The following CDYL variants were observed in gnomAD, a reference collection of about 807,000 sequenced individuals.
CDYL encodes chromodomain Y-like protein.
A neutral mutation model predicts 47.3 loss-of-function variants in CDYL; 8 were observed. The ratio of observed to expected loss-of-function variants is 0.17; its 90% CI spans 0.10 to 0.31. The LOEUF is 0.31. Ranked by LOEUF, CDYL falls within the 10% of genes least tolerant of loss-of-function variation. The pLI is 1.00. For synonymous variants in CDYL, 266 were observed against 265.0 expected, an observed-to-expected ratio of 1.00 and a Z score of -0.04; for missense variants, 471 against 701.4, an observed-to-expected ratio of 0.67 and a Z score of 3.71.
chr6:4,918,605 A>G (rs1399497013), intron 2 of CDYL, among the ~76,000 whole-genome samples: 1 of 152,234 alleles, frequency 6.6e-6, no homozygotes, highest in African/African-American at 2.4e-5. Flanking sequence ...TGTCAAAAGT[A>G]AAACTAAATA....
intron 1 of CDYL, chr6:4,890,090 G>T: frequency 1.0e-6 from 1 of 985,452 alleles, no homozygotes; most frequent in Non-Finnish European, 1.2e-6. Context: ...CTCTGGTTTA[G>T]TATACTGCCC....
intron 3 of CDYL, among the ~76,000 whole-genome samples, chr6:4,736,057 T>C (rs571358550): frequency 1.3e-5 from 2 of 152,166 alleles, no homozygotes; most frequent in Non-Finnish European, 2.9e-5. Flanking sequence ...GACCAAGCCC[T>C]CCTGTTTCCC....
intron 2 of CDYL, among the ~76,000 whole-genome samples, chr6:4,893,080 C>T (rs538026366): frequency 6.7e-4 from 102 of 152,338 alleles, no homozygotes; most frequent in African/African-American, 2.4e-3. Flanking sequence ...CACACTGTGC[C>T]GGCCACAGTT....
At chr6:4,826,489 TC>T (rs1163493087) in intron 1 of CDYL, among the ~76,000 whole-genome samples, 1 of 152,176 alleles carries the variant, frequency 6.6e-6, no homozygotes, top group East Asian at 1.9e-4. Flanking sequence ...AACCTTTACA[TC>T]TATAAACTTT....
At chr6:4,915,571 A>G (rs6904931) in intron 2 of CDYL, among the ~76,000 whole-genome samples, 127,903 of 152,144 alleles carry the variant, frequency 0.84, 53,936 homozygotes, top group Admixed American at 0.89. Context: ...TTAAAAGAGA[A>G]ATCCTAATAC....
At chr6:4,896,005 A>G (rs1419387731) in intron 2 of CDYL, among the ~76,000 whole-genome samples, 5 of 152,032 alleles carry the variant, frequency 3.3e-5, no homozygotes, top group African/African-American at 1.2e-4. Flanking sequence ...CCTCACCATC[A>G]TTTTTCTCCA....
chr6:4,876,125 C>T (rs535982618), intron 1 of CDYL, among the ~76,000 whole-genome samples: 16 of 152,340 alleles, frequency 1.1e-4, no homozygotes, highest in African/African-American at 3.8e-4. Context: ...GTTTCCCTCC[C>T]ACCCTTGTTG....
intron 1 of CDYL, among the ~76,000 whole-genome samples, chr6:4,840,930 A>G (rs950603334): frequency 6.6e-6 from 1 of 152,132 alleles, no homozygotes; most frequent in African/African-American, 2.4e-5. Context: ...CTGGCTTCAT[A>G]GAATGATTTA....
chr6:4,849,923 A>G (rs1371499068), intron 1 of CDYL, among the ~76,000 whole-genome samples: 1 of 121,830 alleles, frequency 8.2e-6, no homozygotes, highest in Non-Finnish European at 1.7e-5. Context: ...AAGGGGATAG[A>G]ATTGGGGGGA....
At chr6:4,890,225 C>A (rs1486286707) in intron 1 of CDYL, 1 of 888,524 alleles carries the variant, frequency 1.1e-6, no homozygotes, top group Non-Finnish European at 1.3e-6. Context: ...ACTATTTCTG[C>A]AAAAACGTCA....
intron 1 of CDYL, among the ~76,000 whole-genome samples, chr6:4,852,414 A>C (rs1351599582): frequency 6.3e-5 from 5 of 79,386 alleles, no homozygotes; most frequent in African/African-American, 1.7e-4. Context: ...CCTTCCTTCC[A>C]ATCTTCCTTC....
At chr6:4,708,553 T>A (rs532570895) in intron 1 of CDYL, among the ~76,000 whole-genome samples, 2 of 152,244 alleles carry the variant, frequency 1.3e-5, no homozygotes, top group Admixed American at 1.3e-4. Context: ...ATGTATCTGA[T>A]ATAGCTCAAG....
At chr6:4,721,885 T>TG (rs112311382) in intron 2 of CDYL, among the ~76,000 whole-genome samples, 53 of 151,806 alleles carry the variant, frequency 3.5e-4, no homozygotes, top group Non-Finnish European at 7.2e-4. Context: ...TTTTTTTAGA[T>TG]GGAGTCTTGC....
chr6:4,865,536 G>A (rs1192154398), intron 1 of CDYL, among the ~76,000 whole-genome samples: 1 of 152,198 alleles, frequency 6.6e-6, no homozygotes, highest in Non-Finnish European at 1.5e-5. Flanking sequence ...TTTTCTTGCA[G>A]CACCAAGTAA....
chr6:4,909,582 G>T lies in CDYL; in HGVS notation c.691+17203G>T, dbSNP rs1287186822. Among the ~76,000 whole-genome samples the T allele has an allele frequency of 3.0e-3, 450 of 151,862 alleles. 1 individual carries two copies. Among genetic ancestry groups the T allele is most frequent in the African/African-American group, 0.011 (435 of 41,364 alleles). On this transcript the variant is annotated intron_variant, in intron 2 of 6. Coordinates refer to ENST00000397588, the MANE Select transcript of CDYL (RefSeq NM_004824.4). ...ATAAAATTCATACTTTTTTTTGTTT[G>T]TTTTTGAGACGGAGTCTCCCTCTGT...
At chr6:4,751,959 G>C (rs1758001915) in intron 3 of CDYL, among the ~76,000 whole-genome samples, 1 of 152,184 alleles carries the variant, frequency 6.6e-6, no homozygotes, top group South Asian at 2.1e-4. Flanking sequence ...ACTGGGCAAG[G>C]CCACAGCTGC....
chr6:4,884,429 A>G (rs1001841180), intron 1 of CDYL, among the ~76,000 whole-genome samples: 10 of 152,144 alleles, frequency 6.6e-5, no homozygotes, highest in African/African-American at 2.4e-4. Flanking sequence ...TCCAGCCTGT[A>G]TTAGATTGAT....
Position 4,815,734 on chromosome 6 carries a change from G to A in CDYL, c.24+38927G>A, listed in dbSNP as rs543601878. Among the ~76,000 whole-genome samples, 16 of 89,752 alleles carry A rather than the reference G, an allele frequency of 1.8e-4. No individual in the cohort carries two copies. In the South Asian group the frequency reaches 2.5e-3, roughly 14 times the overall value. 58.9% of individuals were successfully genotyped at this position (89,752 alleles called of 152,430 possible). A position where few individuals can be genotyped will look rare whatever the true frequency, so the allele number is the denominator to read the frequency against. ...CTTGTCCAAGGTGTGCCTATTTAAT[G>A]TTCTTCGATCAGGCAGTTGGCACTT... is the stretch of plus-strand genomic sequence containing the variant. On this transcript the variant is annotated intron_variant, in intron 1 of 6. Transcript: ENST00000397588.
At chr6:4,774,358 C>T (rs1758384645), upstream of CDYL, among the ~76,000 whole-genome samples, 1 of 152,178 alleles carries the variant, frequency 6.6e-6, no homozygotes, top group African/African-American at 2.4e-5. Context: ...TAGTCCTTGC[C>T]TTCAAGGAAC....
Sources: gnomAD v4.1 joint callset for allele counts (sites outside exome capture counted in the v4.1 genomes callset) on GRCh38, gnomAD v4.1.1 for gene constraint, MANE v1.5 for transcripts, NCBI Gene and HGNC (gene_info 2026-07-23, HGNC 2026-07-21) for gene names.